Variants in ITFG1 observed in about 807,000 individuals in gnomAD.
ITFG1 encodes integrin alpha FG-GAP repeat containing 1.
ITFG1 carries 34 observed loss-of-function variants against 81.8 expected under a neutral mutation model. The ratio of observed to expected loss-of-function variants is 0.42; its 90% CI spans 0.32 to 0.55. The LOEUF is 0.55. ITFG1 is among the 20% of genes least tolerant of loss of function. The probability of loss-of-function intolerance (pLI) is 0.17; values close to 1 mark genes in which losing one functional copy is unlikely to be tolerated. For synonymous variants in ITFG1, 285 were observed against 270.6 expected (o/e 1.05, Z -0.52); for missense variants, 672 against 755.4 (o/e 0.89, Z 1.29).
chr16:47,437,717 G>A (rs1157053044), intron 5 of ITFG1, among the ~76,000 whole-genome samples: 1 of 151,940 alleles, frequency 6.6e-6, no homozygotes, highest in Non-Finnish European at 1.5e-5. Flanking sequence ...AGTTGGGGTT[G>A]GAGCCAAGAT....
intron 5 of ITFG1, among the ~76,000 whole-genome samples, chr16:47,440,680 C>T (rs996375364): frequency 6.6e-6 from 1 of 152,018 alleles, no homozygotes; most frequent in Non-Finnish European, 1.5e-5. Flanking sequence ...GGGACACATT[C>T]AAAGCCGTGT....
chr16:47,411,336 G>C (rs1470920362), intron 6 of ITFG1, among the ~76,000 whole-genome samples: 1 of 152,128 alleles, frequency 6.6e-6, no homozygotes, highest in Non-Finnish European at 1.5e-5. Flanking sequence ...CACAACCCCA[G>C]TGATTTGGGG....
intron 14 of ITFG1, 169 bp downstream of exon 14, chr16:47,218,699 A>G (rs2151526990): frequency 2.6e-6 from 1 of 379,132 alleles, no homozygotes; most frequent in Non-Finnish European, 4.7e-6. Flanking sequence ...ATTTTTTGTC[A>G]TAAGAACCTT....
intron 11 of ITFG1, among the ~76,000 whole-genome samples, chr16:47,259,619 G>T (rs1333537534): frequency 2.0e-5 from 3 of 152,142 alleles, no homozygotes; most frequent in African/African-American, 7.2e-5. Flanking sequence ...GGTAAATGGG[G>T]ACATAAATGT....
At chr16:47,326,546 A>G (rs1170337458) in intron 8 of ITFG1, among the ~76,000 whole-genome samples, 7 of 152,192 alleles carry the variant, frequency 4.6e-5, no homozygotes, top group Non-Finnish European at 7.3e-5. Flanking sequence ...CCCTGTTTGC[A>G]GATGACATGA....
chr16:47,184,271 C>G, intron 14 of ITFG1, among the ~76,000 whole-genome samples: 1 of 152,060 alleles, frequency 6.6e-6, no homozygotes, highest in Admixed American at 6.6e-5. Context: ...TCAGGAAATA[C>G]AGAGAACGCC....
rs908148292 is a variant in ITFG1, at chr16:47,286,509, G to A, written c.1070+24731C>T. ...ACAAAAATTAGCTGGGCATGGTGGC[G>A]GGTGCCTGTAATCACACCTACTTGG... is the stretch of plus-strand genomic sequence containing the variant. On this transcript the variant is annotated intron_variant, in intron 10 of 17. Coordinates refer to ENST00000320640, the MANE Select transcript of ITFG1 (RefSeq NM_030790.5). Among the ~76,000 whole-genome samples, 9 of 152,042 alleles carry A rather than the reference G, an allele frequency of 5.9e-5. No homozygotes were observed. The South Asian group carries it at 6.2e-4, about 11-fold the overall frequency.
intron 8 of ITFG1, among the ~76,000 whole-genome samples, chr16:47,327,991 A>AT (rs1967579024): frequency 6.6e-6 from 1 of 152,210 alleles, no homozygotes; most frequent in Non-Finnish European, 1.5e-5. Context: ...CCAAAGGATT[A>AT]TAAATAATGC....
chr16:47,452,893 C>A, intron 3 of ITFG1, 103 bp from the exon 4 acceptor site: 2 of 600,214 alleles, frequency 3.3e-6, no homozygotes, highest in East Asian at 6.4e-5. Context: ...CTAGATTTAT[C>A]TCTGATTTAT....
chr16:47,336,414 G>C (rs1239317770), intron 8 of ITFG1, among the ~76,000 whole-genome samples: 1 of 152,192 alleles, frequency 6.6e-6, no homozygotes, highest in East Asian at 1.9e-4. Flanking sequence ...GACAACACTG[G>C]TCCCTGGATT....
chr16:47,447,209 A>C (rs1969335213), intron 5 of ITFG1, among the ~76,000 whole-genome samples: 1 of 152,162 alleles, frequency 6.6e-6, no homozygotes, highest in Non-Finnish European at 1.5e-5. Context: ...ACAGTAATGA[A>C]ATAAAGCAAA....
chr16:47,354,915 C>T (rs1453256250), intron 8 of ITFG1, among the ~76,000 whole-genome samples: 1 of 151,962 alleles, frequency 6.6e-6, no homozygotes, highest in Non-Finnish European at 1.5e-5. Context: ...AAGTGGAGAA[C>T]AGGGAACCCT....
Position 47,307,368 on chromosome 16 carries a change from C to A in ITFG1, c.1070+3872G>T, listed in dbSNP as rs1475152456. ...TGGAATTAATGGTAGAATTAACTCT[C>A]ACTGTCTACAGAGGTTTCTTCCCTC... is the stretch of plus-strand genomic sequence containing the variant. On this transcript the variant is annotated intron_variant, in intron 10 of 17. Coordinates refer to ENST00000320640, the MANE Select transcript of ITFG1 (RefSeq NM_030790.5). Among the ~76,000 whole-genome samples the A allele has an allele frequency of 2.6e-5, 4 of 152,122 alleles. No individual in the cohort carries two copies. In the South Asian group the frequency reaches 8.3e-4, roughly 32 times the overall value.
At chr16:47,246,295 T>C (rs1223609525) in intron 12 of ITFG1, among the ~76,000 whole-genome samples, 1 of 152,184 alleles carries the variant, frequency 6.6e-6, no homozygotes. Flanking sequence ...GCCACATCTT[T>C]TCTCCACTAA....
rs1369991748 is a variant in ITFG1, at chr16:47,260,820, C to T, written c.1071-125G>A. On this transcript the variant is annotated intron_variant, in intron 10 of 17. Coordinates refer to ENST00000320640, the MANE Select transcript of ITFG1 (RefSeq NM_030790.5). Reference sequence around the variant, plus strand: ...ACAGTGAAATTACACGAAAAAATCTCCACATTTTTTGTTTATAGTACTGTC... The same window carrying T: ...ACAGTGAAATTACACGAAAAAATCTTCACATTTTTTGTTTATAGTACTGTC... The T allele has an allele frequency of 9.5e-6, 10 of 1,057,502 alleles. No individual in the cohort carries two copies. The Admixed American group carries it at 2.2e-4, about 24-fold the overall frequency. 65.5% of individuals were successfully genotyped at this position (1,057,502 alleles called of 1,614,324 possible). A position where few individuals can be genotyped will look rare whatever the true frequency, so the allele number is the denominator to read the frequency against.
chr16:47,269,476 C>A (rs1201263776), intron 10 of ITFG1, among the ~76,000 whole-genome samples: 3 of 139,142 alleles, frequency 2.2e-5, no homozygotes, highest in Admixed American at 7.2e-5. Context: ...TAGAAAGACC[C>A]TGTCTCTATT....
At chr16:47,428,394 T>C (rs1969050462) in intron 6 of ITFG1, among the ~76,000 whole-genome samples, 1 of 152,190 alleles carries the variant, frequency 6.6e-6, no homozygotes, top group Admixed American at 6.5e-5. Flanking sequence ...AATTTTCTGT[T>C]TAAAATTTTC....
At chr16:47,427,626 C>CA (rs1000359625) in intron 6 of ITFG1, among the ~76,000 whole-genome samples, 12 of 151,138 alleles carry the variant, frequency 7.9e-5, no homozygotes, top group Admixed American at 3.3e-4. Context: ...ACTCTGTCTC[C>CA]AAAAAAAAGA....
chr16:47,443,066 C>G (rs1228972721), intron 5 of ITFG1, among the ~76,000 whole-genome samples: 1 of 151,822 alleles, frequency 6.6e-6, no homozygotes, highest in Admixed American at 6.6e-5. Context: ...AAAAAAACAA[C>G]CCCATCAAAA....
Sources: allele counts gnomAD v4.1 joint callset (sites outside exome capture counted in the v4.1 genomes callset), GRCh38; gene constraint gnomAD v4.1.1; transcripts MANE v1.5; gene names NCBI Gene and HGNC (gene_info 2026-07-23, HGNC 2026-07-21).